Variants in PRKCQ observed in about 807,000 individuals in gnomAD.
The protein encoded by PRKCQ is protein kinase C theta, also known as protein kinase C theta type.
Under a neutral mutation model 91.2 loss-of-function variants are expected in PRKCQ, and 41 were observed. That is an observed-to-expected ratio of 0.45 (90% CI 0.35 to 0.58). PRKCQ has a LOEUF of 0.58. PRKCQ is among the 20% of genes least tolerant of loss of function. The pLI is 0.00. For synonymous variants in PRKCQ, 307 were observed against 316.9 expected (o/e 0.97, Z 0.33); for missense variants, 673 against 896.5 (o/e 0.75, Z 3.18).
chr10:6,540,778 T>C (rs1242800585), intron 1 of PRKCQ, among the ~76,000 whole-genome samples: 2 of 152,248 alleles, frequency 1.3e-5, no homozygotes, highest in Non-Finnish European at 2.9e-5. Flanking sequence ...ATGTGGTAAC[T>C]CTGTTTAACT....
chr10:6,505,409 T>C, intron 4 of PRKCQ, among the ~76,000 whole-genome samples: 1 of 141,628 alleles, frequency 7.1e-6, no homozygotes, highest in African/African-American at 2.9e-5. Flanking sequence ...TTCTCCTTTC[T>C]TTCTTTCTTT....
At chr10:6,395,075 T>TTTTTTTTC in the PRKCQ span, among the ~76,000 whole-genome samples, 43 of 135,800 alleles carry the variant, frequency 3.2e-4, 2 homozygotes, top group African/African-American at 1.1e-3. Flanking sequence ...TTTTTTTTTT[T>TTTTTTTTC]TTTTTGAGAC....
chr10:6,461,400 G>A (rs1835343382), intron 14 of PRKCQ, among the ~76,000 whole-genome samples: 1 of 152,156 alleles, frequency 6.6e-6, no homozygotes, highest in Admixed American at 6.5e-5. Context: ...TCTGCTAAGA[G>A]TTTTAAAATA....
At chr10:6,512,834 T>C (rs1344445798) in intron 2 of PRKCQ, among the ~76,000 whole-genome samples, 1 of 152,098 alleles carries the variant, frequency 6.6e-6, no homozygotes, top group Admixed American at 6.5e-5. Context: ...ACCATGAGAC[T>C]ACTAAACGTG....
At chr10:6,463,167 AT>A (rs1422779236) in intron 13 of PRKCQ, among the ~76,000 whole-genome samples, 10 of 152,212 alleles carry the variant, frequency 6.6e-5, no homozygotes, top group African/African-American at 2.4e-4. Flanking sequence ...CTTACAGCCC[AT>A]GAGGTGGAAA....
chr10:6,442,544 G>T (rs145052568), intron 15 of PRKCQ, among the ~76,000 whole-genome samples: 345 of 152,300 alleles, frequency 2.3e-3, no homozygotes, highest in Middle Eastern at 6.8e-3. Context: ...AGGTCATCTG[G>T]ACAGTTCCCT....
Position 6,483,340 on chromosome 10 carries a change from T to A in PRKCQ, c.1179+100A>T, listed in dbSNP as rs551054724. The A allele has an allele frequency of 5.4e-6, 8 of 1,468,422 alleles. No homozygotes were observed. In the South Asian group the frequency reaches 9.5e-5, roughly 17 times the overall value. The allele number at this position is 1,468,422 out of a possible 1,614,324, so 91.0% of individuals were successfully genotyped here. On this transcript the variant is annotated intron_variant, in intron 11 of 17. Transcript: ENST00000263125. ...AGGAAAGCTGTCTCTGACACTCACATGCAATCCTAGTGGCCCTATGAGTTT... is the reference window on the plus strand; with the variant it reads ...AGGAAAGCTGTCTCTGACACTCACAAGCAATCCTAGTGGCCCTATGAGTTT...
chr10:6,562,278 C>T (rs1016336968), intron 1 of PRKCQ, among the ~76,000 whole-genome samples: 4 of 152,170 alleles, frequency 2.6e-5, no homozygotes, highest in Non-Finnish European at 5.9e-5. Flanking sequence ...CTCCTGTCTC[C>T]CTCACAAGTT....
the PRKCQ span, among the ~76,000 whole-genome samples, chr10:6,404,249 G>GGT: frequency 5.3e-5 from 1 of 18,800 alleles, no homozygotes; most frequent in African/African-American, 1.0e-4. Context: ...GGGAGAGAAG[G>GGT]GGGGGGGAGA....
intron 15 of PRKCQ, among the ~76,000 whole-genome samples, chr10:6,444,056 A>G (rs937552561): frequency 1.3e-5 from 2 of 152,064 alleles, no homozygotes; most frequent in African/African-American, 4.8e-5. Flanking sequence ...ACAACTATAC[A>G]ATACACTTTA....
At chr10:6,485,993 G>T in intron 9 of PRKCQ, 42 bp downstream of exon 9, 1 of 1,532,490 alleles carries the variant, frequency 6.5e-7, no homozygotes. Flanking sequence ...CATCCTTGCT[G>T]AGCGGCCATG....
intron 1 of PRKCQ, among the ~76,000 whole-genome samples, chr10:6,567,975 G>A (rs969451727): frequency 6.6e-6 from 1 of 152,154 alleles, no homozygotes; most frequent in African/African-American, 2.4e-5. Context: ...GCTCTCGCCT[G>A]TAATCCCAGC....
At chr10:6,535,636 C>T (rs967487269) in intron 1 of PRKCQ, among the ~76,000 whole-genome samples, 6 of 152,144 alleles carry the variant, frequency 3.9e-5, no homozygotes, top group African/African-American at 7.2e-5. Flanking sequence ...CGGCCTGACA[C>T]GCCTGTCTCC....
downstream of PRKCQ, among the ~76,000 whole-genome samples, chr10:6,423,364 C>T (rs778337423): frequency 1.6e-4 from 24 of 152,134 alleles, no homozygotes; most frequent in Non-Finnish European, 2.6e-4. Context: ...TTATTTAGGA[C>T]GCAGGGAGAA....
the PRKCQ span, among the ~76,000 whole-genome samples, chr10:6,418,087 T>G: frequency 6.6e-6 from 1 of 152,238 alleles, no homozygotes; most frequent in Admixed American, 6.5e-5. Context: ...GAAAGCGTAT[T>G]TGACAGCAAG....
At chr10:6,529,223 C>T (rs1839302829) in intron 1 of PRKCQ, among the ~76,000 whole-genome samples, 1 of 152,212 alleles carries the variant, frequency 6.6e-6, no homozygotes, top group Non-Finnish European at 1.5e-5. Flanking sequence ...CTCAGCCTCC[C>T]TGGCATCATT....
chr10:6,476,759 C>A (rs1341276226), intron 12 of PRKCQ, among the ~76,000 whole-genome samples: 2 of 152,180 alleles, frequency 1.3e-5, no homozygotes, highest in African/African-American at 4.8e-5. Flanking sequence ...CAGTTTGCTA[C>A]AAGCCTCAAA....
At chr10:6,445,905 C>G (rs1263102152) in intron 15 of PRKCQ, among the ~76,000 whole-genome samples, 1 of 152,196 alleles carries the variant, frequency 6.6e-6, no homozygotes, top group African/African-American at 2.4e-5. Flanking sequence ...GTCTCTGAAC[C>G]ACATATCTTT....
intron 14 of PRKCQ, among the ~76,000 whole-genome samples, chr10:6,457,840 TG>T (rs1340933611): frequency 4.6e-5 from 7 of 152,216 alleles, no homozygotes; most frequent in African/African-American, 1.7e-4. Flanking sequence ...AACCTTCAGG[TG>T]TTTTTCTGCT....
Sources: gnomAD v4.1 joint callset for allele counts (sites outside exome capture counted in the v4.1 genomes callset) on GRCh38, gnomAD v4.1.1 for gene constraint, MANE v1.5 for transcripts, NCBI Gene and HGNC (gene_info 2026-07-23, HGNC 2026-07-21) for gene names.